Variants in LOXHD1 observed in about 807,000 individuals in gnomAD.
The protein encoded by LOXHD1 is lipoxygenase homology domain-containing protein 1.
Under a neutral mutation model 248.2 loss-of-function variants are expected in LOXHD1, and 205 were observed. That is an observed-to-expected ratio of 0.83 (90% CI 0.74 to 0.93). The LOEUF (loss-of-function observed/expected upper bound fraction) is 0.93, where lower values mean the gene tolerates loss of function less well. LOXHD1 is among the 40% of genes least tolerant of loss of function. The probability of loss-of-function intolerance (pLI) is 0.00; values close to 1 mark genes in which losing one functional copy is unlikely to be tolerated. For missense variants in LOXHD1, 2,930 were observed against 2,971.6 expected, an observed-to-expected ratio of 0.99 and a Z score of 0.33; for synonymous variants, 1,113 against 1,162.8, an observed-to-expected ratio of 0.96 and a Z score of 0.87.
intron 19 of LOXHD1, 107 bp from the exon 20 acceptor site, chr18:46,559,709 C>T (rs2037470482): frequency 5.7e-6 from 7 of 1,230,002 alleles, no homozygotes; most frequent in Non-Finnish European, 7.9e-6. Flanking sequence ...GAGGGATCTT[C>T]AGATGCATCT....
intron 11 of LOXHD1, 34 bp downstream of exon 11, chr18:46,592,464 A>G: frequency 1.3e-6 from 2 of 1,515,702 alleles, no homozygotes; most frequent in Non-Finnish European, 1.8e-6. Context: ...TCCTTTCCCA[A>G]CAACCTCCCA....
chr18:46,490,434 C>T lies in LOXHD1; in HGVS notation c.5879-1292G>A, dbSNP rs1178995703. Among the ~76,000 whole-genome samples, 6 of 152,244 alleles carry T rather than the reference C, an allele frequency of 3.9e-5. 1 individual carries two copies. The highest frequency in any genetic ancestry group is 3.9e-4 in the Admixed American group (6 of 15,288). On this transcript the variant is annotated intron_variant, in intron 37 of 40. Coordinates refer to ENST00000642948, the MANE Select transcript of LOXHD1 (RefSeq NM_001384474.1). ...GGAAAACAGCACCAATAGAGTTAAG[C>T]TAAATTTTAAAACACTTCTGTTGAG...
chr18:46,639,542 C>G (rs2038935951), intron 4 of LOXHD1, 74 bp downstream of exon 4: 1 of 1,488,524 alleles, frequency 6.7e-7, no homozygotes, highest in African/African-American at 1.4e-5. Context: ...CAGAGCAAGA[C>G]AGGCACGATT....
intron 16 of LOXHD1, 78 bp from the exon 17 acceptor site, chr18:46,566,527 C>T (rs1242592838): frequency 6.9e-6 from 9 of 1,295,460 alleles, no homozygotes; most frequent in Non-Finnish European, 9.7e-6. Flanking sequence ...CCTCCCCAAA[C>T]ACCAGCACAA....
At chr18:46,552,893 C>A (rs541945440) in intron 21 of LOXHD1, among the ~76,000 whole-genome samples, 2 of 152,252 alleles carry the variant, frequency 1.3e-5, no homozygotes, top group South Asian at 4.1e-4. Context: ...TGTGTGTGCC[C>A]CTCAATTGCC....
chr18:46,583,022 A>G (rs2037992470), intron 12 of LOXHD1, among the ~76,000 whole-genome samples: 1 of 152,222 alleles, frequency 6.6e-6, no homozygotes, highest in Non-Finnish European at 1.5e-5. Context: ...TCAAACATCA[A>G]AACGGAATCA....
intron 5 of LOXHD1, among the ~76,000 whole-genome samples, chr18:46,616,772 A>C (rs2038593955): frequency 6.6e-6 from 1 of 152,222 alleles, no homozygotes; most frequent in South Asian, 2.1e-4. Flanking sequence ...TAGAATAGTG[A>C]AGACACTATT....
chr18:46,645,403 C>T (rs2039016430), intron 2 of LOXHD1, among the ~76,000 whole-genome samples: 1 of 152,196 alleles, frequency 6.6e-6, no homozygotes, highest in African/African-American at 2.4e-5. Flanking sequence ...TAGCCATCAG[C>T]CAGCAGAGCC....
chr18:46,483,870 C>T, intron 39 of LOXHD1, 125 bp from the exon 40 acceptor site: 6 of 1,137,288 alleles, frequency 5.3e-6, no homozygotes, highest in East Asian at 2.6e-5. Flanking sequence ...CAAGCAGGAG[C>T]TCATGGCAGT....
intron 1 of LOXHD1, 22 bp from the exon 2 acceptor site, chr18:46,649,291 C>G: frequency 2.6e-6 from 4 of 1,538,048 alleles, no homozygotes; most frequent in Non-Finnish European, 3.5e-6. Context: ...GAGGAGGAGA[C>G]AGATTGCAGG....
At chr18:46,642,189 A>G (rs755633952) in intron 2 of LOXHD1, among the ~76,000 whole-genome samples, 153 bp from the exon 3 acceptor site, 6 of 152,222 alleles carry the variant, frequency 3.9e-5, no homozygotes. Context: ...CCCTTCTGAC[A>G]TGGTTCCCAG....
At chr18:46,599,256 C>T (rs776879202) in intron 8 of LOXHD1, among the ~76,000 whole-genome samples, 15 of 152,068 alleles carry the variant, frequency 9.9e-5, no homozygotes, top group Non-Finnish European at 1.8e-4. Context: ...AAACCACTTG[C>T]TAAATATCCA....
At chr18:46,587,905 C>T (rs1389923850) in intron 12 of LOXHD1, among the ~76,000 whole-genome samples, 1 of 152,154 alleles carries the variant, frequency 6.6e-6, no homozygotes, top group African/African-American at 2.4e-5. Flanking sequence ...CTCCCAAAAG[C>T]CTCTTGGCTC....
At chr18:46,548,127 C>T (rs545713235) in intron 21 of LOXHD1, among the ~76,000 whole-genome samples, 1 of 152,312 alleles carries the variant, frequency 6.6e-6, no homozygotes, top group Admixed American at 6.5e-5. Context: ...TTGGCCCATG[C>T]CTGGGATCTC....
At chr18:46,505,398 T>A (rs1206985295) in intron 37 of LOXHD1, among the ~76,000 whole-genome samples, 1 of 152,102 alleles carries the variant, frequency 6.6e-6, no homozygotes, top group Non-Finnish European at 1.5e-5. Flanking sequence ...TTTAGGCTGG[T>A]CTTGAACTCC....
At chr18:46,576,097 T>C (rs2037848828) in intron 14 of LOXHD1, among the ~76,000 whole-genome samples, 1 of 152,230 alleles carries the variant, frequency 6.6e-6, no homozygotes. Context: ...ACGCCACTCT[T>C]CACAGTGTGT....
chr18:46,479,236 A>ATGTATG (rs1555651835), intron 40 of LOXHD1, among the ~76,000 whole-genome samples: 1 of 142,784 alleles, frequency 7.0e-6, no homozygotes, highest in South Asian at 2.3e-4. Context: ...ATATATATGT[A>ATGTATG]TGTGTGTGTG....
Position 46,560,467 on chromosome 18 carries a change from C to G in LOXHD1, c.2677G>C (p.Val893Leu), listed in dbSNP as rs769899814. 4.5e-6 allele frequency: 7 copies of G among 1,541,440 alleles called. No homozygotes were observed. Among genetic ancestry groups the G allele is most frequent in the Non-Finnish European group, 4.4e-6 (5 of 1,146,954 alleles). Residue 893 changes from valine (V) to leucine (L), a missense_variant, in exon 19 of 41, where the codon GTG becomes CTG. Val to Leu is a conservative substitution (Grantham distance 32, BLOSUM62 1). Coordinates refer to ENST00000642948, the MANE Select transcript of LOXHD1 (RefSeq NM_001384474.1). ...AGGTGCCGCAGCCACACGGTGTCCA[C>G]GAACCAGCTGGGCCCAAAGCCCTCG... ...TGEGFGPSWF[V>L]DTVWLRHLVV...
At chr18:46,492,724 A>G (rs1019565157) in intron 37 of LOXHD1, among the ~76,000 whole-genome samples, 6 of 152,202 alleles carry the variant, frequency 3.9e-5, no homozygotes, top group Admixed American at 3.9e-4. Flanking sequence ...CACAAAAGTA[A>G]CAAACACTCT....
Sources: gnomAD v4.1 joint callset for allele counts (sites outside exome capture counted in the v4.1 genomes callset) on GRCh38, gnomAD v4.1.1 for gene constraint, MANE v1.5 for transcripts, NCBI Gene and HGNC (gene_info 2026-07-23, HGNC 2026-07-21) for gene names.